Variants in NCAPG2 observed in about 807,000 individuals in gnomAD.
NCAPG2 encodes the protein condensin-2 complex subunit G2.
Under a neutral mutation model 141.1 loss-of-function variants are expected in NCAPG2, and 53 were observed. The ratio of observed to expected loss-of-function variants is 0.38; its 90% CI spans 0.30 to 0.47. The LOEUF (loss-of-function observed/expected upper bound fraction) is 0.47. Ranked by LOEUF, NCAPG2 falls within the 20% of genes least tolerant of loss-of-function variation. The probability of loss-of-function intolerance (pLI) is 0.99; values close to 1 mark genes in which losing one functional copy is unlikely to be tolerated. For missense variants in NCAPG2, 1,087 were observed against 1,389.0 expected, an observed-to-expected ratio of 0.78 and a Z score of 3.46; for synonymous variants, 499 against 490.7, an observed-to-expected ratio of 1.02 and a Z score of -0.22.
chr7:158,652,233 A>T (rs1458036903), intron 23 of NCAPG2, 60 bp downstream of exon 23: 26 of 1,480,632 alleles, frequency 1.8e-5, no homozygotes, highest in Non-Finnish European at 2.1e-5. Context: ...GCATCTGTGT[A>T]GGTGTAGCCA....
At chr7:158,631,743 A>C (rs1829903767) in intron 27 of NCAPG2, 26 bp from the exon 28 acceptor site, 1 of 1,548,500 alleles carries the variant, frequency 6.5e-7, no homozygotes, top group Admixed American at 1.7e-5. Flanking sequence ...AGAAATATTT[A>C]GCTACAGAAA....
rs766111904 is a variant in NCAPG2 at position 158,680,741 on chromosome 7, T to C, written c.1000A>G (p.Ile334Val). The change falls in exon 10 of 28, where the codon ATC (isoleucine) becomes GTC (valine). Residue 334 changes from isoleucine to valine, a missense_variant. By Grantham distance (29) the Ile-to-Val change is conservative. Coordinates refer to ENST00000356309, the MANE Select transcript of NCAPG2 (RefSeq NM_017760.7). ...TATACCTTTAATCCTCTCCAAAGGA[T>C]GGGCTTATATAATCTATAAAGCATC... ...EEMLYRLYKP[I>V]LWRGLKARNS... 39 of 1,587,860 alleles carry C rather than the reference T, an allele frequency of 2.5e-5. No homozygotes were observed. The highest frequency in any genetic ancestry group is 3.3e-5 in the Non-Finnish European group (38 of 1,165,316).
At chr7:158,659,353 A>G (rs1832294377) in intron 16 of NCAPG2, among the ~76,000 whole-genome samples, 1 of 151,732 alleles carries the variant, frequency 6.6e-6, no homozygotes, top group East Asian at 1.9e-4. Flanking sequence ...AAAAGAAGAA[A>G]AAAAAAAGTA....
Position 158,633,814 on chromosome 7 carries a change from G to A in NCAPG2, c.3381-2097C>T, listed in dbSNP as rs1241263309. On this transcript the variant is annotated intron_variant, in intron 27 of 27. Transcript: ENST00000356309. This position sits in a 1 kb window ranked among gnomAD's most constrained non-coding sequence, Gnocchi z 4.1. ...CACCCAGGCTGAAGTGCAGCAGTGA[G>A]GTCACAGCTCACTGCAGCCTTGACC... Among the ~76,000 whole-genome samples the A allele has an allele frequency of 1.3e-5, 2 of 151,980 alleles. No homozygotes were observed. Among genetic ancestry groups the A allele is most frequent in the Non-Finnish European group, 2.9e-5 (2 of 67,966 alleles).
intron 23 of NCAPG2, among the ~76,000 whole-genome samples, chr7:158,652,013 T>C (rs1409220580): frequency 1.3e-5 from 2 of 152,232 alleles, no homozygotes; most frequent in African/African-American, 4.8e-5. Flanking sequence ...CTTGGGATCC[T>C]GTTCTAAGAC....
chr7:158,698,427 TTA>T (rs1250535128), intron 2 of NCAPG2, among the ~76,000 whole-genome samples: 3 of 152,222 alleles, frequency 2.0e-5, no homozygotes, highest in Non-Finnish European at 4.4e-5. Context: ...GTACCATTTT[TTA>T]TGTTTTATAC....
At position 158,672,282 on chromosome 7, in the gene NCAPG2, GTGTGTGTGTGTATATATA is replaced by G. The variant is rs1412961312; in HGVS notation, c.1327-634_1327-617del. On this transcript the variant is annotated intron_variant, in intron 12 of 27. Coordinates refer to ENST00000356309, the MANE Select transcript of NCAPG2 (RefSeq NM_017760.7). ...TATATACGGTATTCCAAACACATGT[GTGTGTGTGTGTATATATA>G]TATATATATATATATATATATATAT... is the stretch of plus-strand genomic sequence containing the variant. Among the ~76,000 whole-genome samples the G allele has an allele frequency of 9.5e-5, 2 of 21,062 alleles. 1 individual carries two copies. Among genetic ancestry groups the G allele is most frequent in the African/African-American group, 4.2e-4 (2 of 4,762 alleles). The allele number at this position is 21,062 out of a possible 152,430, so 13.8% of individuals were successfully genotyped here. A position where few individuals can be genotyped will look rare whatever the true frequency, so the allele number is the denominator to read the frequency against.
At chr7:158,669,768 CAAAAAAAAAAAAAA>C (rs567875836) in intron 13 of NCAPG2, among the ~76,000 whole-genome samples, 25 of 53,684 alleles carry the variant, frequency 4.7e-4, no homozygotes, top group Admixed American at 2.5e-3. Context: ...GACTCTGTCT[CAAAAAAAAAAAAAA>C]AAAAAAAAAA....
At chr7:158,640,052 C>CAAAAAAAAAAAAAAAAAAAAAAAAAAAA (rs58368997) in intron 27 of NCAPG2, 5 of 98,320 alleles carry the variant, frequency 5.1e-5, no homozygotes, top group African/African-American at 1.2e-4. Flanking sequence ...GAATAAATGC[C>CAAAAAAAAAAAAAAAAAAAAAAAAAAAA]AAAAAAAAAA....
chr7:158,661,039 T>A (rs1046212341), intron 16 of NCAPG2, among the ~76,000 whole-genome samples: 1 of 152,206 alleles, frequency 6.6e-6, no homozygotes, highest in Non-Finnish European at 1.5e-5. Context: ...CCTCTTTTTC[T>A]TCATAAATTA....
intron 13 of NCAPG2, among the ~76,000 whole-genome samples, chr7:158,665,640 T>C (rs75904480): frequency 0.018 from 2,730 of 152,242 alleles, 36 homozygotes; most frequent in Non-Finnish European, 0.03. Flanking sequence ...AAACTCAACC[T>C]GAGGTTCCCA....
chr7:158,697,741 C>T (rs757323339), intron 2 of NCAPG2, among the ~76,000 whole-genome samples: 9 of 152,012 alleles, frequency 5.9e-5, no homozygotes, highest in Admixed American at 3.9e-4. Flanking sequence ...ACATATACAC[C>T]ATGGAATACT....
At chr7:158,700,579 A>G (rs1431297149) in intron 2 of NCAPG2, among the ~76,000 whole-genome samples, 1 of 152,200 alleles carries the variant, frequency 6.6e-6, no homozygotes, top group Non-Finnish European at 1.5e-5. Context: ...TTATCTAACT[A>G]ATTTGCTCTT....
intron 21 of NCAPG2, 34 bp from the exon 22 acceptor site, chr7:158,654,728 C>T: frequency 6.3e-7 from 1 of 1,589,882 alleles, no homozygotes; most frequent in Non-Finnish European, 8.6e-7. Context: ...GCAACAAAGG[C>T]CATTTTTAAA....
At chr7:158,650,687 T>C (rs535315825) in intron 24 of NCAPG2, 145 bp downstream of exon 24, 2 of 980,978 alleles carry the variant, frequency 2.0e-6, no homozygotes, top group South Asian at 1.8e-5. Context: ...CTCTGAGGTG[T>C]AGCTGCTAGG....
At chr7:158,700,513 C>A (rs1295681397) in intron 2 of NCAPG2, among the ~76,000 whole-genome samples, 5 of 152,182 alleles carry the variant, frequency 3.3e-5, no homozygotes, top group Non-Finnish European at 7.3e-5. Context: ...TATGTATGTA[C>A]TGCATTTCCA....
At chr7:158,660,442 G>T (rs1587147569) in intron 16 of NCAPG2, among the ~76,000 whole-genome samples, 1 of 125,304 alleles carries the variant, frequency 8.0e-6, no homozygotes, top group African/African-American at 3.1e-5. Flanking sequence ...AAGAGGCAGG[G>T]TCTCACTCTG....
intron 2 of NCAPG2, among the ~76,000 whole-genome samples, chr7:158,701,185 T>C (rs1835763792): frequency 6.6e-6 from 1 of 152,192 alleles, no homozygotes; most frequent in African/African-American, 2.4e-5. Context: ...AGTCCAATAG[T>C]GCCATCACTT....
At chr7:158,658,533 TC>T in intron 16 of NCAPG2, 125 bp from the exon 17 acceptor site, 1 of 802,142 alleles carries the variant, frequency 1.2e-6, no homozygotes, top group Non-Finnish European at 1.8e-6. Flanking sequence ...GGCAGTCCTT[TC>T]CACGTTCAAA....
Sources: gnomAD v4.1 joint callset for allele counts (sites outside exome capture counted in the v4.1 genomes callset) on GRCh38, gnomAD v4.1.1 for gene constraint, Gnocchi (gnomAD v3.1) non-coding constraint, MANE v1.5 for transcripts, NCBI Gene and HGNC (gene_info 2026-07-23, HGNC 2026-07-21) for gene names.